Variants in UNC79 observed in about 807,000 individuals in gnomAD.
The protein encoded by UNC79 is protein unc-79 homolog.
UNC79 carries 37 observed loss-of-function variants against 283.1 expected under a neutral mutation model. The ratio of observed to expected loss-of-function variants is 0.13; its 90% confidence interval spans 0.10 to 0.17. UNC79 has a LOEUF of 0.17. Among genes scored for constraint, UNC79 ranks in the 10% least tolerant of loss-of-function variants. The pLI, the probability that UNC79 is intolerant of heterozygous loss-of-function variation, is 1.00. For missense variants in UNC79, 2,272 were observed against 3,211.1 expected (o/e 0.71, Z 7.07); for synonymous variants, 1,107 against 1,200.2 (o/e 0.92, Z 1.61).
upstream of UNC79, among the ~76,000 whole-genome samples, chr14:93,428,590 GTTGATGA>G (rs1319360741): frequency 6.6e-6 from 1 of 152,164 alleles, no homozygotes; most frequent in Non-Finnish European, 1.5e-5. Flanking sequence ...GAGTGCCTAG[GTTGATGA>G]TTAGAGTCTC....
At chr14:93,552,935 G>C (rs149985164) in intron 14 of UNC79, among the ~76,000 whole-genome samples, 1 of 152,180 alleles carries the variant, frequency 6.6e-6, no homozygotes, top group African/African-American at 2.4e-5. Context: ...GCATAGACAG[G>C]ATATGAGGGC....
At chr14:93,694,216 C>T (rs1315141221) in intron 46 of UNC79, 119 bp from the exon 50 acceptor site, 21 of 777,890 alleles carry the variant, frequency 2.7e-5, no homozygotes, top group South Asian at 8.5e-5. Flanking sequence ...TGGTCTCCTA[C>T]GGTCATTACA....
chr14:93,565,321 G>A (rs1440704298), intron 14 of UNC79, among the ~76,000 whole-genome samples: 1 of 152,166 alleles, frequency 6.6e-6, no homozygotes, highest in African/African-American at 2.4e-5. Context: ...TGTAATTGTA[G>A]TCAGCTCTGG....
intron 17 of UNC79, among the ~76,000 whole-genome samples, chr14:93,575,796 G>A (rs975724586): frequency 5.3e-5 from 8 of 152,172 alleles, no homozygotes; most frequent in African/African-American, 1.7e-4. Context: ...TTCTCAGGCC[G>A]TGAGCAGCTG....
At chr14:93,354,818 A>G (rs2054052101) in intron 1 of UNC79, among the ~76,000 whole-genome samples, 2 of 152,130 alleles carry the variant, frequency 1.3e-5, no homozygotes, top group South Asian at 4.1e-4. Flanking sequence ...ATTTTGAATA[A>G]GAGATATTCA....
chr14:93,362,852 T>G (rs2054254121), intron 1 of UNC79, among the ~76,000 whole-genome samples: 1 of 152,144 alleles, frequency 6.6e-6, no homozygotes, highest in Admixed American at 6.5e-5. Context: ...TATTTCTGCT[T>G]GGGTTTATTT....
At chr14:93,363,712 T>C (rs181209211) in intron 1 of UNC79, among the ~76,000 whole-genome samples, 1 of 152,182 alleles carries the variant, frequency 6.6e-6, no homozygotes, top group Admixed American at 6.6e-5. Flanking sequence ...TTTATATCAC[T>C]ATGTAATGCC....
chr14:93,601,414 G>T (rs1445862266), intron 25 of UNC79, among the ~76,000 whole-genome samples: 1 of 152,170 alleles, frequency 6.6e-6, no homozygotes, highest in Non-Finnish European at 1.5e-5. Context: ...CATCCAGATT[G>T]CTGTGAATGC....
rs2053970982 is a variant in UNC79, at chr14:93,351,004, TCTC to T, written c.-351+17484_-351+17486del. Among the ~76,000 whole-genome samples, 6 of 152,348 alleles carry T rather than the reference TCTC, an allele frequency of 3.9e-5. 1 individual carries two copies. The highest frequency in any genetic ancestry group is 1.2e-4 in the African/African-American group (5 of 41,578). On this transcript the variant is annotated intron_variant, in intron 1 of 49. Transcript: ENST00000256339. ...CATGCTATTACTAAGAGTCATGTAT[TCTC>T]CTGCTATACTCATAACCTTGAACAG...
intron 4 of UNC79, among the ~76,000 whole-genome samples, chr14:93,479,181 T>TTCCTTCCA (rs1223715602): frequency 9.5e-6 from 1 of 104,854 alleles, no homozygotes; most frequent in Non-Finnish European, 2.2e-5. Context: ...GTTTCCTTCC[T>TTCCTTCCA]TCCTTCCTTC....
At chr14:93,683,289 G>A (rs1364386575) in intron 42 of UNC79, among the ~76,000 whole-genome samples, 2 of 151,948 alleles carry the variant, frequency 1.3e-5, no homozygotes, top group Admixed American at 6.6e-5. Flanking sequence ...GTGCATACTC[G>A]GGGATCAGGT....
chr14:93,446,948 C>CT (rs1480225845), intron 1 of UNC79, among the ~76,000 whole-genome samples: 2 of 152,038 alleles, frequency 1.3e-5, no homozygotes, highest in East Asian at 3.8e-4. Context: ...GGATTTTTGT[C>CT]TAATTTTTCT....
chr14:93,403,169 G>A (rs1390853281), intron 1 of UNC79, among the ~76,000 whole-genome samples: 1 of 152,184 alleles, frequency 6.6e-6, no homozygotes, highest in Non-Finnish European at 1.5e-5. Context: ...TTATGCCTTA[G>A]TCTGGCTCAG....
intron 23 of UNC79, among the ~76,000 whole-genome samples, chr14:93,596,170 C>T (rs1324615684): frequency 6.6e-6 from 1 of 152,136 alleles, no homozygotes; most frequent in Non-Finnish European, 1.5e-5. Flanking sequence ...ATATTGTGTT[C>T]ATAGCTCATA....
At chr14:93,357,704 T>G (rs1166065008) in intron 1 of UNC79, among the ~76,000 whole-genome samples, 15 of 125,186 alleles carry the variant, frequency 1.2e-4, no homozygotes, top group African/African-American at 4.6e-4. Flanking sequence ...TATATATATA[T>G]ATATATATAT....
exon 21 of UNC79, chr14:93,586,658 A>T (rs1429411118): frequency 6.2e-7 from 1 of 1,613,860 alleles, no homozygotes; most frequent in Non-Finnish European, 8.5e-7. Context: ...ATTGAGACTA[A>T]TATATACCAT....
rs757191713 is a variant in UNC79 at position 93,586,756 on chromosome 14, A to G, written c.2884-4A>G. 3.7e-6 allele frequency: 6 copies of G among 1,613,168 alleles called. No individual in the cohort carries two copies. The South Asian group carries it at 4.4e-5, about 12-fold the overall frequency. On this transcript the variant is annotated splice_region_variant and splice_polypyrimidine_tract_variant and intron_variant, in intron 21 of 48. Transcript: ENST00000555664. ...ACTTAGTAACCATGTGGTTTTTTGTATAGGAAATGGCTAAGTTTGAAGAGC... is the reference window on the plus strand; with the variant it reads ...ACTTAGTAACCATGTGGTTTTTTGTGTAGGAAATGGCTAAGTTTGAAGAGC...
Position 93,498,683 on chromosome 14 carries a change from ATTAACT to A in UNC79, c.898+1402_898+1407del, listed in dbSNP as rs1282960102. 3.3e-5 allele frequency among the ~76,000 whole-genome samples: 5 copies of A among 152,252 alleles called. No homozygotes were observed. The East Asian group carries it at 9.6e-4, about 29-fold the overall frequency. On this transcript the variant is annotated intron_variant, in intron 7 of 48. Coordinates refer to ENST00000555664, the Ensembl canonical transcript of UNC79. Reference sequence around the variant, plus strand: ...ATGTAATTAATAATGAGAAAAGAACATTAACTTTAAATATAATGACAGATATCTACC... The same window carrying A: ...ATGTAATTAATAATGAGAAAAGAACATTAAATATAATGACAGATATCTACC...
intron 22 of UNC79, among the ~76,000 whole-genome samples, chr14:93,589,748 T>C (rs2064517103): frequency 6.6e-6 from 1 of 152,104 alleles, no homozygotes; most frequent in Non-Finnish European, 1.5e-5. Context: ...TCCAGACTCA[T>C]TGAGACTCTA....
Sources: gnomAD v4.1 joint callset for allele counts (sites outside exome capture counted in the v4.1 genomes callset) on GRCh38, gnomAD v4.1.1 for gene constraint, MANE v1.5 for transcripts, NCBI Gene and HGNC (gene_info 2026-07-23, HGNC 2026-07-21) for gene names.